Variants in CRMP1 observed in about 807,000 individuals in gnomAD.
CRMP1 encodes the protein dihydropyrimidinase-related protein 1.
A neutral mutation model predicts 68.3 loss-of-function variants in CRMP1; 19 were observed. The observed-to-expected ratio is 0.28, with a 90% CI of 0.19 to 0.41. The LOEUF is 0.41. Ranked by LOEUF, CRMP1 falls within the 10% of genes least tolerant of loss-of-function variation. The pLI, the probability that CRMP1 is intolerant of heterozygous loss-of-function variation, is 1.00. For synonymous variants in CRMP1, 439 were observed against 399.6 expected, an observed-to-expected ratio of 1.10 and a Z score of -1.18; for missense variants, 791 against 967.4, an observed-to-expected ratio of 0.82 and a Z score of 2.42.
In CRMP1 at chr4:5,855,954, G is replaced by A. The variant is rs1262742471; in HGVS notation, c.820+189C>T. Among the ~76,000 whole-genome samples the A allele has an allele frequency of 6.6e-6, 1 of 152,180 alleles. No individual in the cohort carries two copies. The highest frequency in any genetic ancestry group is 1.5e-5 in the Non-Finnish European group (1 of 68,020). On this transcript the variant is annotated intron_variant, in intron 4 of 13. Transcript: ENST00000324989. The surrounding 1 kb of genome is among the most constrained non-coding windows in gnomAD (Gnocchi z 4.9). ...TTCTGAGAACAAGGACACCCCCAGA[G>A]GTTTTCAAGGAGAAAAGGATGGACT...
At position 5,825,282 on chromosome 4, in the gene CRMP1, T is replaced by C. The variant is rs971190037; in HGVS notation, c.1969+212A>G. 6 of 985,288 alleles carry C rather than the reference T, an allele frequency of 6.1e-6. No homozygotes were observed. In the South Asian group the frequency reaches 2.8e-4, roughly 46 times the overall value. The allele number at this position is 985,288 out of a possible 1,614,324, so 61.0% of individuals were successfully genotyped here. A position where few individuals can be genotyped will look rare whatever the true frequency, so the allele number is the denominator to read the frequency against. On this transcript the variant is annotated intron_variant, in intron 13 of 13. Transcript: ENST00000324989. This position sits in a 1 kb window ranked among gnomAD's most constrained non-coding sequence, Gnocchi z 4.4. ...TGTAAACCCACATCAGGTACCACCA[T>C]GTTGCCCCCCTAACATGGACCCCCC... is the stretch of plus-strand genomic sequence containing the variant.
Position 5,858,703 on chromosome 4 carries a change from T to C in CRMP1, c.655+2323A>G, listed in dbSNP as rs1713320614. ...ACACAGAACAGTTCACATCTCTCCC[T>C]GCTTAAAATACCTCAACATTGCCCA... On this transcript the variant is annotated intron_variant, in intron 3 of 13. Transcript: ENST00000324989. The surrounding 1 kb of genome is among the most constrained non-coding windows in gnomAD (Gnocchi z 5.5). Among the ~76,000 whole-genome samples the C allele has an allele frequency of 6.6e-6, 1 of 152,104 alleles. No homozygotes were observed. Among genetic ancestry groups the C allele is most frequent in the Non-Finnish European group, 1.5e-5 (1 of 68,006 alleles).
At position 5,838,486 on chromosome 4, in the gene CRMP1, AAGCCAGGGATGATGGTGGCCTG is replaced by A. The variant is rs1265840591; in HGVS notation, c.1310+1014_1310+1035del. Among the ~76,000 whole-genome samples the A allele has an allele frequency of 2.0e-5, 3 of 152,084 alleles. No homozygotes were observed. The highest frequency in any genetic ancestry group is 7.2e-5 in the African/African-American group (3 of 41,410). On this transcript the variant is annotated intron_variant, in intron 9 of 13. Coordinates refer to ENST00000324989, the MANE Select transcript of CRMP1 (RefSeq NM_001014809.3). This position sits in a 1 kb window ranked among gnomAD's most constrained non-coding sequence, Gnocchi z 4.9. ...TGTGGAAATAGAAAGTCTTGGTCGGAAGCCAGGGATGATGGTGGCCTGAGCCAGGATGGCCACAGCAGACAGG... is the reference window on the plus strand; with the variant it reads ...TGTGGAAATAGAAAGTCTTGGTCGGAAGCCAGGATGGCCACAGCAGACAGG...
At chr4:5,886,730 C>A (rs945509910) in intron 1 of CRMP1, among the ~76,000 whole-genome samples, 7 of 152,254 alleles carry the variant, frequency 4.6e-5, no homozygotes, top group Non-Finnish European at 8.8e-5. Flanking sequence ...CCTCAGTTCC[C>A]TTGGGAGGCA....
At chr4:5,829,912 G>A (rs1250198658) in intron 11 of CRMP1, among the ~76,000 whole-genome samples, 1 of 152,158 alleles carries the variant, frequency 6.6e-6, no homozygotes, top group East Asian at 1.9e-4. Context: ...AAGAGTAAAT[G>A]GATTTTCATC....
intron 6 of CRMP1, among the ~76,000 whole-genome samples, chr4:5,845,833 G>C (rs897080389): frequency 2.6e-5 from 4 of 152,172 alleles, no homozygotes; most frequent in African/African-American, 9.7e-5. Flanking sequence ...ACTCTTAGAA[G>C]AAATAGGGCC....
At chr4:5,863,836 G>A (rs1192675146) in intron 2 of CRMP1, among the ~76,000 whole-genome samples, 1 of 152,158 alleles carries the variant, frequency 6.6e-6, no homozygotes, top group Non-Finnish European at 1.5e-5. Context: ...TGTACCCGAG[G>A]TGGTCCCCGG....
chr4:5,838,322 G>A lies in CRMP1; in HGVS notation c.1310+1200C>T, dbSNP rs146546847. Among the ~76,000 whole-genome samples, 25 of 152,246 alleles carry A rather than the reference G, an allele frequency of 1.6e-4. No homozygotes were observed. The East Asian group carries it at 2.5e-3, about 15-fold the overall frequency. On this transcript the variant is annotated intron_variant, in intron 9 of 13. Coordinates refer to ENST00000324989, the MANE Select transcript of CRMP1 (RefSeq NM_001014809.3). This position sits in a 1 kb window ranked among gnomAD's most constrained non-coding sequence, Gnocchi z 4.9. ...GGTCAGGGCGTGTGCACCGGATTGA[G>A]TTCTGCCTTGTTGGATGTTGCAGGG...
chr4:5,858,120 C>G lies in CRMP1; in HGVS notation c.656-1813G>C, dbSNP rs1713268218. On this transcript the variant is annotated intron_variant, in intron 3 of 13. Transcript: ENST00000324989. The surrounding 1 kb of genome is among the most constrained non-coding windows in gnomAD (Gnocchi z 5.5). The stretch of plus-strand genomic sequence containing the variant: ...GGGCACAGAGAGTCCCTCCCTCCTT[C>G]CTTAAACTCGCTTCTCTCCAGCTTC... Among the ~76,000 whole-genome samples the G allele has an allele frequency of 6.6e-6, 1 of 152,152 alleles. No homozygotes were observed. The highest frequency in any genetic ancestry group is 2.4e-5 in the African/African-American group (1 of 41,428).
intron 10 of CRMP1, 27 bp downstream of exon 10, chr4:5,836,738 T>G (rs750570699): frequency 6.2e-7 from 1 of 1,614,004 alleles, no homozygotes; most frequent in Admixed American, 1.7e-5. Flanking sequence ...GTTTCTAGAA[T>G]GCTCCTGAGA....
Position 5,850,541 on chromosome 4 carries a change from T to A in CRMP1, c.882+867A>T, listed in dbSNP as rs1712548391. Among the ~76,000 whole-genome samples the A allele has an allele frequency of 6.6e-6, 1 of 152,178 alleles. No individual in the cohort carries two copies. The highest frequency in any genetic ancestry group is 2.4e-5 in the African/African-American group (1 of 41,450). ...CGTTGCCCATCTATCTTCATGGTAATAACCAATTACCCTGCTAACTGATGC... is the reference window on the plus strand; with the variant it reads ...CGTTGCCCATCTATCTTCATGGTAAAAACCAATTACCCTGCTAACTGATGC... On this transcript the variant is annotated intron_variant, in intron 5 of 13. Coordinates refer to ENST00000324989, the MANE Select transcript of CRMP1 (RefSeq NM_001014809.3). The surrounding 1 kb of genome is among the most constrained non-coding windows in gnomAD (Gnocchi z 4.4).
Position 5,843,296 on chromosome 4 carries a change from GT to G in CRMP1, c.964-136del. 1.3e-6 allele frequency: 1 copy of G among 766,324 alleles called. No individual in the cohort carries two copies. Among genetic ancestry groups the G allele is most frequent in the Non-Finnish European group, 2.2e-6 (1 of 449,882 alleles). The allele number at this position is 766,324 out of a possible 1,614,324, so 47.5% of individuals were successfully genotyped here. A position where few individuals can be genotyped will look rare whatever the true frequency, so the allele number is the denominator to read the frequency against. The stretch of plus-strand genomic sequence containing the variant: ...GAGTGGCTTGCACTAGGTTAACAGT[GT>G]GCGGGGTGGGGGCAGTGAACTGTGT... On this transcript the variant is annotated intron_variant, in intron 6 of 13. Transcript: ENST00000324989. The surrounding 1 kb of genome is among the most constrained non-coding windows in gnomAD (Gnocchi z 4.1).
At chr4:5,824,308 G>A (rs955966569) in intron 13 of CRMP1, 6 of 985,166 alleles carry the variant, frequency 6.1e-6, no homozygotes, top group Middle Eastern at 5.2e-4. Flanking sequence ...TCTATTTAGG[G>A]TCCATTTTGT....
chr4:5,824,295 C>G (rs924534186), intron 13 of CRMP1: 1 of 985,230 alleles, frequency 1.0e-6, no homozygotes, highest in Non-Finnish European at 1.2e-6. Flanking sequence ...TGACTTTTAG[C>G]ATTCTATTTA....
chr4:5,888,383 C>A lies in CRMP1; in HGVS notation c.381+4206G>T. On this transcript the variant is annotated intron_variant, in intron 1 of 13. Transcript: ENST00000324989. The surrounding 1 kb of genome is among the most constrained non-coding windows in gnomAD (Gnocchi z 6.4). The stretch of plus-strand genomic sequence containing the variant: ...GACAAAGGCCCGGGAGGGATAGAGA[C>A]ACGGACGGAGGCTCGGCGCCCGTGG... 1 of 1,224,714 alleles carries A rather than the reference C, an allele frequency of 8.2e-7. No individual in the cohort carries two copies. Among genetic ancestry groups the A allele is most frequent in the Non-Finnish European group, 1.0e-6 (1 of 981,872 alleles). 75.9% of individuals were successfully genotyped at this position (1,224,714 alleles called of 1,614,324 possible).
At position 5,858,375 on chromosome 4, in the gene CRMP1, G is replaced by T. The variant is rs3911869; in HGVS notation, c.656-2068C>A. Among the ~76,000 whole-genome samples the T allele has an allele frequency of 2.0e-5, 3 of 151,332 alleles. No homozygotes were observed. Among genetic ancestry groups the T allele is most frequent in the Non-Finnish European group, 4.4e-5 (3 of 67,880 alleles). ...AGATGACTCAAAAGCTCCCCCAAATGAGAATGTCCAAAACCTCATGCAATA... is the reference window on the plus strand; with the variant it reads ...AGATGACTCAAAAGCTCCCCCAAATTAGAATGTCCAAAACCTCATGCAATA... On this transcript the variant is annotated intron_variant, in intron 3 of 13. Coordinates refer to ENST00000324989, the MANE Select transcript of CRMP1 (RefSeq NM_001014809.3). The surrounding 1 kb of genome is among the most constrained non-coding windows in gnomAD (Gnocchi z 5.5).
chr4:5,834,593 GT>G lies in CRMP1; in HGVS notation c.1623+1321del, dbSNP rs544406898. 1.2e-3 allele frequency among the ~76,000 whole-genome samples: 184 copies of G among 152,244 alleles called. No individual in the cohort carries two copies. Among genetic ancestry groups the G allele is most frequent in the African/African-American group, 4.3e-3 (177 of 41,526 alleles). On this transcript the variant is annotated intron_variant, in intron 11 of 13. Transcript: ENST00000324989. The surrounding 1 kb of genome is among the most constrained non-coding windows in gnomAD (Gnocchi z 4.3). ...TACCCAGTCTGTGGTATCTATTACA[GT>G]AGCACAAAATGGACCAAGACACCCT...
chr4:5,873,072 C>G (rs947976119), intron 1 of CRMP1, among the ~76,000 whole-genome samples: 1 of 152,222 alleles, frequency 6.6e-6, no homozygotes, highest in Non-Finnish European at 1.5e-5. Flanking sequence ...GAACTCCACT[C>G]TATAAATCAT....
chr4:5,872,815 T>C lies in CRMP1; in HGVS notation c.382-6059A>G, dbSNP rs1714552252. ...ACAGTTCGTTCCACAGCGACAGCAA[T>C]GACCTTTAGAGCAAATCATGTTCTT... is the stretch of plus-strand genomic sequence containing the variant. On this transcript the variant is annotated intron_variant, in intron 1 of 13. Coordinates refer to ENST00000324989, the MANE Select transcript of CRMP1 (RefSeq NM_001014809.3). This position sits in a 1 kb window ranked among gnomAD's most constrained non-coding sequence, Gnocchi z 4.6. Among the ~76,000 whole-genome samples, 1 of 152,232 alleles carries C rather than the reference T, an allele frequency of 6.6e-6. No homozygotes were observed.
Sources: gnomAD v4.1 joint callset for allele counts (sites outside exome capture counted in the v4.1 genomes callset) on GRCh38, gnomAD v4.1.1 for gene constraint, Gnocchi (gnomAD v3.1) non-coding constraint, MANE v1.5 for transcripts, NCBI Gene and HGNC (gene_info 2026-07-23, HGNC 2026-07-21) for gene names.